The following PPP2R3B variants were observed in gnomAD, a reference collection of about 807,000 sequenced individuals.
PPP2R3B encodes protein phosphatase 2 regulatory subunit B''beta.
Under a neutral mutation model 72.9 loss-of-function variants are expected in PPP2R3B, and 68 were observed. The observed-to-expected ratio is 0.93, with a 90% CI of 0.77 to 1.14. PPP2R3B has a LOEUF of 1.14. PPP2R3B is among the 50% of genes most tolerant of loss of function. PPP2R3B has a pLI of 0.00. For synonymous variants in PPP2R3B, 466 were observed against 375.8 expected (o/e 1.24, Z -2.78); for missense variants, 1,018 against 842.0 (o/e 1.21, Z -2.59).
chrX:370,249 C>T (rs867385829), intron 1 of PPP2R3B, among the ~76,000 whole-genome samples: 13 of 152,318 alleles, frequency 8.5e-5, no homozygotes, highest in Middle Eastern at 3.4e-3. Flanking sequence ...AACACAGAAA[C>T]GCAGCAGGTG....
intron 2 of PPP2R3B, among the ~76,000 whole-genome samples, chrX:357,292 C>A (rs753783342): frequency 6.6e-6 from 1 of 152,018 alleles, no homozygotes; most frequent in Non-Finnish European, 1.5e-5. Context: ...TGTGCTTTAC[C>A]AAAATGGATC....
Position 347,255 on chromosome X carries a change from C to T in PPP2R3B, c.696G>A (p.Glu232=). 6.2e-7 allele frequency: 1 copy of T among 1,613,744 alleles called. No homozygotes were observed. Among genetic ancestry groups the T allele is most frequent in the Non-Finnish European group, 8.5e-7 (1 of 1,179,776 alleles). Reference sequence around the variant, plus strand: ...TCACCTGCAAGAAGGGGACAAAGTCCTCCTGCACCAGGTAGTTGCAGCCGG... The same window carrying T: ...TCACCTGCAAGAAGGGGACAAAGTCTTCCTGCACCAGGTAGTTGCAGCCGG... ...MSPGCNYLVQ[E]DFVPFLQDVV... is the part of the protein sequence containing the mutation. The change falls in exon 4 of 13, where the codon GAG becomes GAA. Residue 232 remains glutamate (E), a synonymous_variant. Transcript: ENST00000390665.
At chrX:373,625 G>C (rs1186024298) in intron 1 of PPP2R3B, 1 of 287,292 alleles carries the variant, frequency 3.5e-6, no homozygotes, top group Non-Finnish European at 7.4e-6. Context: ...GCAGGTCGGG[G>C]TCCTGGCGCA....
chrX:344,857 AT>A, intron 7 of PPP2R3B: 1 of 313,982 alleles, frequency 3.2e-6, no homozygotes, highest in Non-Finnish European at 6.3e-6. Flanking sequence ...AACCAGGCGT[AT>A]TATGAGTCGA....
chrX:339,097 C>T (rs1464149221), intron 10 of PPP2R3B, among the ~76,000 whole-genome samples: 12 of 151,798 alleles, frequency 7.9e-5, no homozygotes, highest in East Asian at 6.0e-4. Context: ...GGCCGTGATG[C>T]GGAGGCGACT....
chrX:346,905 T>G (rs1160560627), intron 4 of PPP2R3B, 130 bp from the exon 5 acceptor site: 2 of 851,614 alleles, frequency 2.3e-6, no homozygotes, highest in African/African-American at 3.8e-5. Context: ...GGCCCTCCCG[T>G]GAGGGATGAG....
At chrX:363,802 G>A (rs755756671) in intron 1 of PPP2R3B, among the ~76,000 whole-genome samples, 208 of 152,192 alleles carry the variant, frequency 1.4e-3, no homozygotes, top group African/African-American at 4.7e-3. Flanking sequence ...CCTTCATCAC[G>A]CTGGGTTCAC....
At chrX:363,787 T>C (rs1466603996) in intron 1 of PPP2R3B, among the ~76,000 whole-genome samples, 2 of 152,000 alleles carry the variant, frequency 1.3e-5, no homozygotes, top group Non-Finnish European at 2.9e-5. Flanking sequence ...CCTGCGGCTC[T>C]TCCTCCTTCA....
At chrX:345,378 G>A (rs2071177619) in intron 7 of PPP2R3B, 138 bp downstream of exon 7, 5 of 1,194,904 alleles carry the variant, frequency 4.2e-6, no homozygotes, top group Non-Finnish European at 6.0e-6. Context: ...CAGACACAGA[G>A]CGGCGAGTGC....
chrX:338,842 T>C lies in PPP2R3B; in HGVS notation c.1406A>G (p.Asp469Gly). Residue 469 changes from aspartate (D) to glycine (G), a missense_variant, in exon 11 of 13, where the codon GAC becomes GGC. Coordinates refer to ENST00000390665, the MANE Select transcript of PPP2R3B (RefSeq NM_013239.5). ...KRCKLANVFF[D>G]TFFNIEKYLD... The stretch of plus-strand genomic sequence containing the variant: ...GTACTTCTCGATGTTGAAGAAGGTG[T>C]CGAAGAAGACGTTAGCCAGCTTGCA... 6.2e-7 allele frequency: 1 copy of C among 1,612,440 alleles called. No individual in the cohort carries two copies. The highest frequency in any genetic ancestry group is 8.5e-7 in the Non-Finnish European group (1 of 1,179,688).
chrX:364,589 G>T (rs189698991), intron 1 of PPP2R3B, among the ~76,000 whole-genome samples: 2 of 94,138 alleles, frequency 2.1e-5, no homozygotes, highest in South Asian at 3.1e-4. Context: ...GTGGTGGAGG[G>T]TGCCTGTACT....
intron 1 of PPP2R3B, among the ~76,000 whole-genome samples, chrX:383,489 A>C (rs2124427384): frequency 6.6e-6 from 1 of 152,304 alleles, no homozygotes; most frequent in South Asian, 2.1e-4. Context: ...ATCTGGAAGC[A>C]ATGTTTTATC....
chrX:376,883 AC>A (rs1194887628), intron 1 of PPP2R3B, among the ~76,000 whole-genome samples: 1 of 97,024 alleles, frequency 1.0e-5, no homozygotes, highest in Non-Finnish European at 2.3e-5. Flanking sequence ...GTATGCAGGG[AC>A]GGGCCGTCCA....
At chrX:334,719 C>T (rs761189860) in intron 12 of PPP2R3B, 59 of 604,176 alleles carry the variant, frequency 9.8e-5, no homozygotes, top group South Asian at 1.9e-4. Context: ...GAGGGGCCTG[C>T]GGTGCAGGTG....
At chrX:361,748 C>T (rs1472632686) in intron 1 of PPP2R3B, 158 bp from the exon 2 acceptor site, 8 of 294,708 alleles carry the variant, frequency 2.7e-5, no homozygotes, top group East Asian at 1.8e-4. Flanking sequence ...GGACCACACA[C>T]GTACTCCACT....
intron 1 of PPP2R3B, among the ~76,000 whole-genome samples, chrX:380,498 A>G (rs2072099245): frequency 6.6e-6 from 1 of 152,202 alleles, no homozygotes; most frequent in African/African-American, 2.4e-5. Context: ...AAAATCGTGC[A>G]GTACTGGCCG....
intron 2 of PPP2R3B, among the ~76,000 whole-genome samples, chrX:350,102 C>G (rs1366988091): frequency 1.3e-5 from 2 of 152,168 alleles, no homozygotes; most frequent in African/African-American, 4.8e-5. Context: ...CGGTTTCAAC[C>G]CTTCCTGTAA....
intron 2 of PPP2R3B, among the ~76,000 whole-genome samples, chrX:360,689 GCAT>G (rs2071520583): frequency 6.6e-6 from 1 of 152,188 alleles, no homozygotes; most frequent in Non-Finnish European, 1.5e-5. Context: ...AGGGGTGGGA[GCAT>G]CCACTGGCCA....
chrX:368,347 C>A (rs1199435291), intron 1 of PPP2R3B, among the ~76,000 whole-genome samples: 3 of 91,284 alleles, frequency 3.3e-5, no homozygotes, highest in East Asian at 3.4e-4. Context: ...ACGGGGAAGG[C>A]CGGGACCACC....
Sources: gnomAD v4.1 joint callset for allele counts (sites outside exome capture counted in the v4.1 genomes callset) on GRCh38, gnomAD v4.1.1 for gene constraint, MANE v1.5 for transcripts, NCBI Gene and HGNC (gene_info 2026-07-23, HGNC 2026-07-21) for gene names.